FOXJ2: variants seen among roughly 807,000 people sequenced by gnomAD.
The protein encoded by FOXJ2 is forkhead box J2.
A neutral mutation model predicts 68.4 loss-of-function variants in FOXJ2; 18 were observed. The ratio of observed to expected loss-of-function variants is 0.26; its 90% CI spans 0.18 to 0.39. The LOEUF (loss-of-function observed/expected upper bound fraction) is 0.39. FOXJ2 is among the 10% of genes least tolerant of loss of function. The probability of loss-of-function intolerance (pLI) is 1.00; values close to 1 mark genes in which losing one functional copy is unlikely to be tolerated. For missense variants in FOXJ2, 670 were observed against 726.5 expected (o/e 0.92, Z 0.89); for synonymous variants, 274 against 263.2 (o/e 1.04, Z -0.40).
Position 8,044,848 on chromosome 12 carries a change from A to G in FOXJ2, c.707A>G (p.Asn236Ser). ...GGTCCCCCTCCCCTCTATAACACCA[A>G]CCATGACTTTAAATTCTCCTACTCA... The part of the protein sequence containing the change: ...AEGPPPLYNT[N>S]HDFKFSYSEI... Residue 236 changes from asparagine (N) to serine (S), a missense_variant, in exon 6 of 11, where the codon AAC becomes AGC. By Grantham distance (46) the Asn-to-Ser change is conservative. Around this residue, in one of 2 missense-constraint regions of FOXJ2, gnomAD observed 555 missense variants for 562.2 expected, o/e 0.99. Coordinates refer to ENST00000162391, the MANE Select transcript of FOXJ2 (RefSeq NM_018416.3). 1 of 1,614,038 alleles carries G rather than the reference A, an allele frequency of 6.2e-7. No homozygotes were observed. The highest frequency in any genetic ancestry group is 8.5e-7 in the Non-Finnish European group (1 of 1,179,922).
intron 1 of FOXJ2, among the ~76,000 whole-genome samples, chr12:8,036,960 G>A (rs189743097): frequency 6.6e-6 from 1 of 152,150 alleles, no homozygotes; most frequent in Non-Finnish European, 1.5e-5. Context: ...GTGGTGGCGT[G>A]TGCCTATAAT....
intron 2 of FOXJ2, among the ~76,000 whole-genome samples, chr12:8,041,706 C>T (rs1946967932): frequency 6.6e-6 from 1 of 151,702 alleles, no homozygotes; most frequent in Non-Finnish European, 1.5e-5. Context: ...AATGAGGTCT[C>T]ACTGTGTTGC....
intron 2 of FOXJ2, 92 bp from the exon 3 acceptor site, chr12:8,042,566 A>G: frequency 9.8e-7 from 1 of 1,020,390 alleles, no homozygotes; most frequent in Non-Finnish European, 1.5e-6. Context: ...TGCATGGTGT[A>G]TTATGTTTTT....
chr12:8,046,523 TC>T (rs2121342766), intron 6 of FOXJ2, among the ~76,000 whole-genome samples: 1 of 152,352 alleles, frequency 6.6e-6, no homozygotes, highest in South Asian at 2.1e-4. Flanking sequence ...ACATTATCAT[TC>T]CTAACATAAT....
At chr12:8,049,218 C>T in intron 8 of FOXJ2, 144 bp from the exon 9 acceptor site, 1 of 660,644 alleles carries the variant, frequency 1.5e-6, no homozygotes, top group East Asian at 2.6e-5. Context: ...AAATGCAGAG[C>T]TCTGAAAGAT....
At chr12:8,039,746 A>G (rs758763722) in intron 1 of FOXJ2, 73 bp from the exon 2 acceptor site, 108 of 1,270,008 alleles carry the variant, frequency 8.5e-5, no homozygotes, top group South Asian at 1.3e-4. Context: ...AAGAAACTCT[A>G]CTTCCCTCAA....
rs377559104 is a variant in FOXJ2, at chr12:8,048,808, C to A, written c.1327+10C>A. ...CAGTCACAATTCTCAGGTTAGTGAT[C>A]AAAGGACGAAGGAAGAGAGGGATAC... On this transcript the variant is annotated intron_variant, in intron 8 of 10. Coordinates refer to ENST00000162391, the MANE Select transcript of FOXJ2 (RefSeq NM_018416.3). The A allele has an allele frequency of 3.0e-5, 48 of 1,610,786 alleles. No individual in the cohort carries two copies. The highest frequency in any genetic ancestry group is 3.8e-5 in the Non-Finnish European group (45 of 1,177,478).
At position 8,044,809 on chromosome 12, in the gene FOXJ2, G is replaced by A. The variant is rs373944443; in HGVS notation, c.668G>A (p.Arg223Gln). Residue 223 changes from arginine to glutamine, a missense_variant, in exon 6 of 11, where the codon CGA (arginine) becomes CAA (glutamine). This residue lies in a region of FOXJ2 where 555 missense variants were observed against 562.2 expected (regional missense o/e 0.99). Coordinates refer to ENST00000162391, the MANE Select transcript of FOXJ2 (RefSeq NM_018416.3). ...GCAGTGGCAGCAGGGGCTTCAGGCC[G>A]AGAAAGTGCTGAGGGTCCCCCTCCC... ...GGAVAAGASG[R>Q]ESAEGPPPLY... 3.1e-5 allele frequency: 50 copies of A among 1,613,854 alleles called. No individual in the cohort carries two copies. The highest frequency in any genetic ancestry group is 4.5e-5 in the East Asian group (2 of 44,896).
chr12:8,036,862 G>T (rs1946902855), intron 1 of FOXJ2, among the ~76,000 whole-genome samples: 2 of 152,168 alleles, frequency 1.3e-5, no homozygotes, highest in Admixed American at 1.3e-4. Context: ...ACCGAGATGG[G>T]TAGATCACCT....
chr12:8,036,743 G>A (rs1946900705), intron 1 of FOXJ2, among the ~76,000 whole-genome samples: 1 of 152,208 alleles, frequency 6.6e-6, no homozygotes, highest in Admixed American at 6.5e-5. Flanking sequence ...CGATGCTTTG[G>A]CAGGGTTTAT....
rs1239198981 is a variant in FOXJ2, at chr12:8,044,907, C to T, written c.766C>T (p.Arg256Cys). 9 of 1,614,192 alleles carry T rather than the reference C, an allele frequency of 5.6e-6. No individual in the cohort carries two copies. The highest frequency in any genetic ancestry group is 6.8e-6 in the Non-Finnish European group (8 of 1,180,014). ...CTTTCAGGATCTAAGCTGGTCCTTC[C>T]GCAACCTCTATAAGTCCATGCTGGA... is the stretch of plus-strand genomic sequence containing the variant. ...INFQDLSWSF[R>C]NLYKSMLEKS... The change falls in exon 6 of 11, where the codon CGC becomes TGC. Residue 256 changes from arginine to cysteine, a missense_variant. Coordinates refer to ENST00000162391, the MANE Select transcript of FOXJ2 (RefSeq NM_018416.3).
At chr12:8,044,114 G>C (rs1222901144) in intron 5 of FOXJ2, 23 bp downstream of exon 5, 1 of 1,507,588 alleles carries the variant, frequency 6.6e-7, no homozygotes, top group African/African-American at 1.4e-5. Flanking sequence ...TATGGCAGGG[G>C]TCATGGGATG....
At chr12:8,043,877 C>G in intron 4 of FOXJ2, 74 bp from the exon 5 acceptor site, 1 of 1,590,988 alleles carries the variant, frequency 6.3e-7, no homozygotes, top group Non-Finnish European at 8.5e-7. Flanking sequence ...GGAATACCAG[C>G]AGAGGGGAAA....
rs1419556629 is a variant in FOXJ2 at position 8,054,852 on chromosome 12, A to G, written c.*2002A>G. On this transcript the variant is annotated 3_prime_UTR_variant, in exon 11 of 11. Transcript: ENST00000162391. ...CAAAACTTCCCATCAGTTCTCCTCA[A>G]TATTCCCCATTTGTAAATGATCACT... 1 of 152,260 alleles carries G rather than the reference A, an allele frequency of 6.6e-6. No individual in the cohort carries two copies. Among genetic ancestry groups the G allele is most frequent in the Non-Finnish European group, 1.5e-5 (1 of 68,060 alleles). The allele number at this position is 152,260 out of a possible 1,614,324, so 9.4% of individuals were successfully genotyped here. A position where few individuals can be genotyped will look rare whatever the true frequency, so the allele number is the denominator to read the frequency against.
In FOXJ2 at chr12:8,044,851, A is replaced by G. The variant is rs760139356; in HGVS notation, c.710A>G (p.His237Arg). ...EGPPPLYNTN[H>R]DFKFSYSEIN... ...CCCCCTCCCCTCTATAACACCAACC[A>G]TGACTTTAAATTCTCCTACTCAGAG... Residue 237 changes from histidine to arginine, a missense_variant, in exon 6 of 11, where the codon CAT becomes CGT. By Grantham distance (29) the His-to-Arg change is conservative (BLOSUM62 0). Coordinates refer to ENST00000162391, the MANE Select transcript of FOXJ2 (RefSeq NM_018416.3). 1 of 1,614,026 alleles carries G rather than the reference A, an allele frequency of 6.2e-7. No homozygotes were observed. The highest frequency in any genetic ancestry group is 8.5e-7 in the Non-Finnish European group (1 of 1,179,924).
intron 5 of FOXJ2, 70 bp downstream of exon 5, chr12:8,044,161 A>T: frequency 4.2e-6 from 6 of 1,424,570 alleles, no homozygotes; most frequent in Non-Finnish European, 5.5e-6. Context: ...CTGTTTATTC[A>T]GAATTATGTA....
In FOXJ2 at chr12:8,048,698, C is replaced by G. The variant is rs199811396; in HGVS notation, c.1227C>G (p.Ala409=). The change falls in exon 8 of 11, where the codon GCC becomes GCG. Residue 409 remains alanine (A), a splice_region_variant and synonymous_variant. Coordinates refer to ENST00000162391, the MANE Select transcript of FOXJ2 (RefSeq NM_018416.3). Reference sequence around the variant, plus strand: ...TCCACTTTCCCCTCCTCTTTACAGCCTTTCCTTCTGACTGGTGCTCTAATA... The same window carrying G: ...TCCACTTTCCCCTCCTCTTTACAGCGTTTCCTTCTGACTGGTGCTCTAATA... The part of the protein sequence containing the change: ...GQAPINNTGF[A]FPSDWCSNID... The G allele has an allele frequency of 2.4e-5, 38 of 1,613,654 alleles. No homozygotes were observed. The highest frequency in any genetic ancestry group is 3.1e-5 in the Non-Finnish European group (37 of 1,179,712).
At chr12:8,046,222 C>T (rs977287507) in intron 6 of FOXJ2, among the ~76,000 whole-genome samples, 2 of 152,156 alleles carry the variant, frequency 1.3e-5, no homozygotes, top group African/African-American at 4.8e-5. Context: ...TGAAGAATCC[C>T]TGCGTTTCAT....
Position 8,045,397 on chromosome 12 carries a change from G to A in FOXJ2, c.817+439G>A, listed in dbSNP as rs183085961. ...CACCCAGCTAATTTTTGTACTTTTAGTAGAGACAGGGTTTCACCATGTTGG... is the reference window on the plus strand; with the variant it reads ...CACCCAGCTAATTTTTGTACTTTTAATAGAGACAGGGTTTCACCATGTTGG... On this transcript the variant is annotated intron_variant, in intron 6 of 10. Transcript: ENST00000162391. 9.1e-4 allele frequency among the ~76,000 whole-genome samples: 139 copies of A among 152,184 alleles called. 3 individuals carry two copies. In the South Asian group the frequency reaches 0.021, roughly 23 times the overall value.
Sources: allele counts gnomAD v4.1 joint callset (sites outside exome capture counted in the v4.1 genomes callset), GRCh38; gene constraint gnomAD v4.1.1; regional missense constraint gnomAD v4.1.1; transcripts MANE v1.5; gene names NCBI Gene and HGNC (gene_info 2026-07-23, HGNC 2026-07-21).